The following ROBO2 variants were observed in gnomAD, a reference collection of about 807,000 sequenced individuals.
The protein encoded by ROBO2 is roundabout homolog 2.
ROBO2 carries 53 observed loss-of-function variants against 160.8 expected under a neutral mutation model. The ratio of observed to expected loss-of-function variants is 0.33; its 90% confidence interval spans 0.26 to 0.41. The LOEUF is 0.41. Ranked by LOEUF, ROBO2 falls within the 10% of genes least tolerant of loss-of-function variation. The pLI, the probability that ROBO2 is intolerant of heterozygous loss-of-function variation, is 1.00. For synonymous variants in ROBO2, 664 were observed against 611.7 expected (o/e 1.09, Z -1.26); for missense variants, 1,577 against 1,722.4 (o/e 0.92, Z 1.49).
At chr3:77,403,069 AC>A (rs773454695) in intron 2 of ROBO2, among the ~76,000 whole-genome samples, 2 of 152,182 alleles carry the variant, frequency 1.3e-5, no homozygotes, top group Non-Finnish European at 2.9e-5. Context: ...GCAATGATAG[AC>A]CAAACATTTT....
At position 77,546,481 on chromosome 3, in the gene ROBO2, T is replaced by C. The variant is rs772755518; in HGVS notation, c.1059+19T>C. 1 of 1,612,708 alleles carries C rather than the reference T, an allele frequency of 6.2e-7. No homozygotes were observed. Among genetic ancestry groups the C allele is most frequent in the South Asian group, 1.1e-5 (1 of 91,066 alleles). On this transcript the variant is annotated intron_variant, in intron 7 of 25. Coordinates refer to ENST00000461745, the Ensembl canonical transcript of ROBO2. ...CAGCCAGGTGAGTGTGAGGCTTCAC[T>C]GCTTTTCTGAAATCTCTGAACTTCT... is the stretch of plus-strand genomic sequence containing the variant.
chr3:77,172,570 G>A (rs2079745173), intron 2 of ROBO2, among the ~76,000 whole-genome samples: 1 of 152,014 alleles, frequency 6.6e-6, no homozygotes, highest in Admixed American at 6.6e-5. Context: ...GTTTACATTT[G>A]TGTATGTTCT....
intron 2 of ROBO2, among the ~76,000 whole-genome samples, chr3:77,256,134 T>G (rs1170104872): frequency 6.6e-6 from 1 of 152,224 alleles, no homozygotes; most frequent in Non-Finnish European, 1.5e-5. Context: ...TTATTTGTTT[T>G]TAGGTGTCAG....
At chr3:77,257,382 CT>C (rs2058488762) in intron 2 of ROBO2, among the ~76,000 whole-genome samples, 1 of 152,140 alleles carries the variant, frequency 6.6e-6, no homozygotes, top group Non-Finnish European at 1.5e-5. Flanking sequence ...TGTAGAGGAT[CT>C]TTTGAACACT....
intron 2 of ROBO2, among the ~76,000 whole-genome samples, chr3:76,960,858 A>G (rs1463130025): frequency 6.6e-6 from 1 of 152,192 alleles, no homozygotes; most frequent in African/African-American, 2.4e-5. Flanking sequence ...GGAGCAAGGA[A>G]AGTAACAAAG....
chr3:76,175,964 G>T (rs552477671), intron 2 of ROBO2, among the ~76,000 whole-genome samples: 97 of 152,050 alleles, frequency 6.4e-4, no homozygotes, highest in Non-Finnish European at 9.1e-4. Context: ...ATCTCACTCA[G>T]CCAGAATTTT....
At chr3:76,877,662 C>T (rs985619800) in intron 2 of ROBO2, among the ~76,000 whole-genome samples, 4 of 152,184 alleles carry the variant, frequency 2.6e-5, no homozygotes, top group African/African-American at 9.7e-5. Context: ...TTATAAATAA[C>T]CTGCTGTCTT....
intron 2 of ROBO2, among the ~76,000 whole-genome samples, chr3:76,416,473 A>G (rs2075763278): frequency 6.6e-6 from 1 of 152,158 alleles, no homozygotes; most frequent in Admixed American, 6.6e-5. Flanking sequence ...AAAACCGTAC[A>G]TAATTTACAT....
intron 2 of ROBO2, among the ~76,000 whole-genome samples, chr3:76,108,844 G>T (rs1485703797): frequency 6.6e-6 from 1 of 150,682 alleles, no homozygotes; most frequent in Non-Finnish European, 1.5e-5. Flanking sequence ...GTCTAATGAG[G>T]TTACATACAG....
At chr3:76,656,984 C>A (rs1030644866) in intron 2 of ROBO2, among the ~76,000 whole-genome samples, 2 of 152,096 alleles carry the variant, frequency 1.3e-5, no homozygotes, top group African/African-American at 4.8e-5. Context: ...TGGAGAGATA[C>A]AATTCAAATG....
intron 21 of ROBO2, among the ~76,000 whole-genome samples, chr3:77,615,081 T>C (rs2094739906): frequency 6.6e-6 from 1 of 152,214 alleles, no homozygotes; most frequent in Admixed American, 6.5e-5. Context: ...CATCACTGAT[T>C]ATTTGTTTAA....
At chr3:76,752,287 G>A (rs2060711175) in intron 2 of ROBO2, among the ~76,000 whole-genome samples, 1 of 151,364 alleles carries the variant, frequency 6.6e-6, no homozygotes, top group Non-Finnish European at 1.5e-5. Context: ...GGGGCCTGTA[G>A]TGGGGTGGGG....
chr3:76,026,303 T>C (rs974997569), intron 2 of ROBO2, among the ~76,000 whole-genome samples: 4 of 151,966 alleles, frequency 2.6e-5, no homozygotes, highest in African/African-American at 4.8e-5. Context: ...ATTGAAAATA[T>C]AAGGCACTGA....
At chr3:76,396,191 C>A (rs1265503910) in intron 2 of ROBO2, among the ~76,000 whole-genome samples, 4 of 152,038 alleles carry the variant, frequency 2.6e-5, no homozygotes, top group Non-Finnish European at 5.9e-5. Context: ...TAAATGTAAT[C>A]CAGCATATAA....
chr3:77,404,945 C>T (rs2076137950), intron 2 of ROBO2, among the ~76,000 whole-genome samples: 1 of 152,120 alleles, frequency 6.6e-6, no homozygotes, highest in Non-Finnish European at 1.5e-5. Context: ...TTCTAATACT[C>T]TCCCCAACTG....
chr3:75,928,309 G>A (rs995835985), intron 1 of ROBO2, among the ~76,000 whole-genome samples: 1 of 152,154 alleles, frequency 6.6e-6, no homozygotes, highest in African/African-American at 2.4e-5. Flanking sequence ...TCTGTCCAGG[G>A]CAAACCAGCA....
chr3:75,920,549 T>C (rs774507872), intron 1 of ROBO2, among the ~76,000 whole-genome samples: 1 of 152,196 alleles, frequency 6.6e-6, no homozygotes, highest in Admixed American at 6.5e-5. Context: ...TTAGGTCCGC[T>C]TGGACCAGAG....
chr3:77,268,182 A>G (rs1029234614), intron 2 of ROBO2, among the ~76,000 whole-genome samples: 1 of 152,208 alleles, frequency 6.6e-6, no homozygotes, highest in Non-Finnish European at 1.5e-5. Context: ...CACACTAGAG[A>G]AACATTTAAT....
At position 75,963,922 on chromosome 3, in the gene ROBO2, C is replaced by T. The variant is rs114174851; in HGVS notation, c.109+26320C>T. Among the ~76,000 whole-genome samples the T allele has an allele frequency of 2.4e-3, 362 of 151,752 alleles. 1 individual carries two copies. The highest frequency in any genetic ancestry group is 8.4e-3 in the African/African-American group (348 of 41,466). On this transcript the variant is annotated intron_variant, in intron 2 of 26. Transcript: ENST00000487694. Reference sequence around the variant, plus strand: ...ATTTTTATCGGATTAGGACCCACCCCGAGGGCCTCATTTTAACTGAATTCT... The same window carrying T: ...ATTTTTATCGGATTAGGACCCACCCTGAGGGCCTCATTTTAACTGAATTCT...
Sources: allele counts gnomAD v4.1 joint callset (sites outside exome capture counted in the v4.1 genomes callset), GRCh38; gene constraint gnomAD v4.1.1; transcripts MANE v1.5; gene names NCBI Gene and HGNC (gene_info 2026-07-23, HGNC 2026-07-21).